Variants in SLC18A1 observed in about 807,000 individuals in gnomAD.
SLC18A1 encodes chromaffin granule amine transporter.
A neutral mutation model predicts 53.7 loss-of-function variants in SLC18A1; 69 were observed. That is an observed-to-expected ratio of 1.28 (90% CI 1.06 to 1.57). SLC18A1 has a LOEUF of 1.57. Ranked by LOEUF, SLC18A1 falls within the 40% of genes most tolerant of loss-of-function variation. SLC18A1 has a pLI of 0.00. For synonymous variants in SLC18A1, 320 were observed against 248.1 expected (o/e 1.29, Z -2.72); for missense variants, 932 against 668.1 (o/e 1.40, Z -4.35).
rs1235212014 is a variant in SLC18A1 at position 20,166,287 on chromosome 8, G to GTGTATA, written c.859-1181_859-1180insTATACA. 5.2e-3 allele frequency among the ~76,000 whole-genome samples: 408 copies of GTGTATA among 78,926 alleles called. 30 individuals carry two copies. Among genetic ancestry groups the GTGTATA allele is most frequent in the Non-Finnish European group, 6.2e-3 (254 of 41,158 alleles). 51.8% of individuals were successfully genotyped at this position (78,926 alleles called of 152,430 possible). A position where few individuals can be genotyped will look rare whatever the true frequency, so the allele number is the denominator to read the frequency against. ...CAAAATTGTGTGTGGGTGTGTGTGT[G>GTGTATA]TCTATATATATATATATATATATAT... On this transcript the variant is annotated intron_variant, in intron 8 of 15. Coordinates refer to ENST00000276373, the MANE Select transcript of SLC18A1 (RefSeq NM_003053.4).
chr8:20,165,004 G>T (rs1324847750), intron 9 of SLC18A1, 40 bp from the exon 10 acceptor site: 1 of 1,613,534 alleles, frequency 6.2e-7, no homozygotes, highest in Non-Finnish European at 8.5e-7. Flanking sequence ...GCTGCTTGAA[G>T]CCCAGACACT....
rs562567269 is a variant in SLC18A1 at position 20,157,973 on chromosome 8, C to T, written c.1015+6896G>A. On this transcript the variant is annotated intron_variant, in intron 10 of 15. Coordinates refer to ENST00000276373, the MANE Select transcript of SLC18A1 (RefSeq NM_003053.4). Reference sequence around the variant, plus strand: ...TTGTCCGAATAGAAATAAGCCACCCCCTCATCTATGCCCCTTATGTCAAGA... The same window carrying T: ...TTGTCCGAATAGAAATAAGCCACCCTCTCATCTATGCCCCTTATGTCAAGA... Among the ~76,000 whole-genome samples the T allele has an allele frequency of 4.6e-5, 7 of 152,326 alleles. No individual in the cohort carries two copies. The South Asian group carries it at 1.5e-3, about 32-fold the overall frequency.
chr8:20,173,186 G>A, intron 5 of SLC18A1, 58 bp from the exon 6 acceptor site: 2 of 1,310,164 alleles, frequency 1.5e-6, no homozygotes, highest in Non-Finnish European at 2.1e-6. Context: ...CCGCCTCTCA[G>A]AGCCCTTGGT....
At chr8:20,165,013 C>A in intron 9 of SLC18A1, 34 bp downstream of exon 9, 1 of 1,613,940 alleles carries the variant, frequency 6.2e-7, no homozygotes, top group South Asian at 1.1e-5. Context: ...AGCCCAGACA[C>A]TCCCCGCCCA....
intron 6 of SLC18A1, among the ~76,000 whole-genome samples, chr8:20,172,142 G>C (rs1313189425): frequency 1.3e-5 from 2 of 152,328 alleles, no homozygotes; most frequent in East Asian, 3.9e-4. Flanking sequence ...CAAGAGGGAG[G>C]ATGCTGCCAG....
At chr8:20,178,599 T>C (rs1198927990) in intron 3 of SLC18A1, 106 bp from the exon 4 acceptor site, 4 of 819,418 alleles carry the variant, frequency 4.9e-6, no homozygotes, top group Non-Finnish European at 7.9e-6. Flanking sequence ...TATTTGGGTG[T>C]ATGGTAAAAC....
rs1497020 is a variant in SLC18A1, at chr8:20,144,915, G to A, written c.*848C>T. On this transcript the variant is annotated 3_prime_UTR_variant, in exon 16 of 16. Coordinates refer to ENST00000276373, the MANE Select transcript of SLC18A1 (RefSeq NM_003053.4). Reference sequence around the variant, plus strand: ...AACAATGTCACATTACACCCCTCCTGTTAGGAAATCTACAATCAGGAGGGA... The same window carrying A: ...AACAATGTCACATTACACCCCTCCTATTAGGAAATCTACAATCAGGAGGGA... 0.75 allele frequency: 113,744 copies of A among 152,098 alleles called. 43,560 individuals carry two copies. Among genetic ancestry groups the A allele is most frequent in the African/African-American group, 0.92 (38,124 of 41,520 alleles). The allele number at this position is 152,098 out of a possible 1,614,324, so 9.4% of individuals were successfully genotyped here.
rs537191588 is a variant in SLC18A1, at chr8:20,180,957, C to T, written c.8G>A (p.Arg3Gln). Residue 3 changes from arginine to glutamine, a missense_variant, in exon 2 of 16, where the codon CGG becomes CAG. Arg to Gln is a conservative substitution (Grantham distance 43). Coordinates refer to ENST00000276373, the MANE Select transcript of SLC18A1 (RefSeq NM_003053.4). MLRTILDAPQRLL... is the reference protein window; with the variant it reads MLQTILDAPQRLL... ...CCGCTGGGGAGCATCCAGAATGGTC[C>T]GGAGCATGGTGATGGCCGGACTGGG... 15 of 1,572,140 alleles carry T rather than the reference C, an allele frequency of 9.5e-6. No homozygotes were observed. Among genetic ancestry groups the T allele is most frequent in the Admixed American group, 5.7e-5 (3 of 52,796 alleles).
At chr8:20,167,223 T>C (rs1042995193) in intron 8 of SLC18A1, among the ~76,000 whole-genome samples, 10 of 151,870 alleles carry the variant, frequency 6.6e-5, no homozygotes, top group African/African-American at 2.4e-4. Flanking sequence ...AAAGAACTAA[T>C]GGAAGTACGG....
Position 20,165,118 on chromosome 8 carries a change from G to A in SLC18A1, c.859-11C>T, listed in dbSNP as rs1462546155. 1.2e-6 allele frequency: 2 copies of A among 1,612,524 alleles called. No individual in the cohort carries two copies. The highest frequency in any genetic ancestry group is 2.7e-5 in the African/African-American group (2 of 74,884). On this transcript the variant is annotated splice_polypyrimidine_tract_variant and intron_variant, in intron 8 of 15. Transcript: ENST00000276373. ...AGTCCCCTTGGCACTCTGAGAACAT[G>A]GATAACAAAAAATGTCCATTTGTAC... is the stretch of plus-strand genomic sequence containing the variant.
intron 5 of SLC18A1, 55 bp downstream of exon 5, chr8:20,174,306 A>ATGTG: frequency 8.6e-7 from 1 of 1,166,794 alleles, no homozygotes; most frequent in Non-Finnish European, 1.3e-6. Flanking sequence ...GTAGTAAGAG[A>ATGTG]TGTGTGTGTG....
chr8:20,182,829 G>C (rs902981492), intron 1 of SLC18A1, among the ~76,000 whole-genome samples: 8 of 152,100 alleles, frequency 5.3e-5, no homozygotes, highest in African/African-American at 1.9e-4. Flanking sequence ...ATTGACTTAG[G>C]ATATGTATGG....
At chr8:20,169,464 A>C (rs2072055282) in intron 8 of SLC18A1, among the ~76,000 whole-genome samples, 1 of 152,208 alleles carries the variant, frequency 6.6e-6, no homozygotes, top group African/African-American at 2.4e-5. Context: ...TACATAAAAA[A>C]AAATCCTGTT....
chr8:20,173,074 A>G lies in SLC18A1; in HGVS notation c.686T>C (p.Met229Thr), dbSNP rs546766095. Reference sequence around the variant, plus strand: ...GGCCAGGCCCCCCAGAGCAGTTCCCATGGCTCGTCCTCTCTCATGGTCATC... The same window carrying G: ...GGCCAGGCCCCCCAGAGCAGTTCCCGTGGCTCGTCCTCTCTCATGGTCATC... ...YTDDHERGRAMGTALGGLALG... is the reference protein window; with the variant it reads ...YTDDHERGRATGTALGGLALG... Residue 229 changes from methionine to threonine, a missense_variant, in exon 6 of 16, where the codon ATG (methionine) becomes ACG (threonine). Met to Thr is a moderately conservative substitution (Grantham distance 81). Coordinates refer to ENST00000276373, the MANE Select transcript of SLC18A1 (RefSeq NM_003053.4). The G allele has an allele frequency of 9.4e-6, 15 of 1,588,032 alleles. No homozygotes were observed. Among genetic ancestry groups the G allele is most frequent in the Admixed American group, 7.1e-5 (4 of 56,178 alleles).
intron 1 of SLC18A1, chr8:20,181,849 A>C (rs2072436874): frequency 6.6e-6 from 1 of 152,150 alleles, no homozygotes; most frequent in Admixed American, 6.5e-5. Flanking sequence ...ACGCTTTTCA[A>C]CTTGCCAGCT....
intron 1 of SLC18A1, among the ~76,000 whole-genome samples, chr8:20,182,159 C>T (rs546131300): frequency 3.3e-5 from 5 of 152,146 alleles, no homozygotes; most frequent in Admixed American, 6.5e-5. Context: ...TGAAATCTAT[C>T]AGGCCCTAAA....
rs748589025 is a variant in SLC18A1, at chr8:20,164,906, C to T, written c.978G>A (p.Trp326Ter). ...TGGGGGAGCACATGGTCTGCATCAT[C>T]CAGATGGGCAGTGTGGGCTCCAGGA... The part of the protein sequence containing the change: ...VAILEPTLPI[W>*]MMQTMCSPKW... Residue 326 changes from tryptophan to a stop codon, truncating the protein, a stop_gained, in exon 10 of 16, where the codon TGG becomes TGA. Coordinates refer to ENST00000276373, the MANE Select transcript of SLC18A1 (RefSeq NM_003053.4). LOFTEE classifies it high-confidence loss of function. 1 of 1,613,814 alleles carries T rather than the reference C, an allele frequency of 6.2e-7. No individual in the cohort carries two copies. Among genetic ancestry groups the T allele is most frequent in the Non-Finnish European group, 8.5e-7 (1 of 1,179,736 alleles).
chr8:20,181,572 C>A (rs555012851), intron 1 of SLC18A1, among the ~76,000 whole-genome samples: 3 of 152,062 alleles, frequency 2.0e-5, no homozygotes, highest in Non-Finnish European at 4.4e-5. Flanking sequence ...CATAGCAAGA[C>A]CCCTAACTCT....
chr8:20,146,822 CAAAAA>C (rs10604873), intron 15 of SLC18A1, among the ~76,000 whole-genome samples: 1 of 137,710 alleles, frequency 7.3e-6, no homozygotes, highest in Non-Finnish European at 1.6e-5. Context: ...GAAACTCCAT[CAAAAA>C]AAAAAAAAAA....
Sources: allele counts gnomAD v4.1 joint callset (sites outside exome capture counted in the v4.1 genomes callset), GRCh38; gene constraint gnomAD v4.1.1; transcripts MANE v1.5; gene names NCBI Gene and HGNC (gene_info 2026-07-23, HGNC 2026-07-21).